Variants in ARL5A observed in about 807,000 individuals in gnomAD.
ARL5A encodes ARF like GTPase 5A.
ARL5A carries 18 observed loss-of-function variants against 25.9 expected under a neutral mutation model. The observed-to-expected ratio is 0.69, with a 90% CI of 0.48 to 1.03. The LOEUF (loss-of-function observed/expected upper bound fraction) is 1.03. ARL5A is among the 50% of genes least tolerant of loss of function. The pLI is 0.00. For synonymous variants in ARL5A, 61 were observed against 67.5 expected, an observed-to-expected ratio of 0.90 and a Z score of 0.47; for missense variants, 170 against 211.9, an observed-to-expected ratio of 0.80 and a Z score of 1.23.
intron 5 of ARL5A, among the ~76,000 whole-genome samples, chr2:151,805,038 T>A (rs1416711593): frequency 2.0e-5 from 3 of 152,198 alleles, no homozygotes; most frequent in Admixed American, 6.5e-5. Flanking sequence ...ATTATCAAAG[T>A]ATATAAATTA....
At chr2:151,812,549 T>C (rs181068451) in intron 3 of ARL5A, 109 bp from the exon 4 acceptor site, 2 of 664,708 alleles carry the variant, frequency 3.0e-6, no homozygotes, top group African/African-American at 3.7e-5. Flanking sequence ...ATTGGAATCT[T>C]ATGGTATTGT....
In ARL5A at chr2:151,828,307, G is replaced by A. The variant is rs561414211; in HGVS notation, c.-131C>T. 5.4e-4 allele frequency: 435 copies of A among 805,704 alleles called. 3 individuals are homozygous for A. The African/African-American group carries it at 7.5e-3, about 14-fold the overall frequency. The allele number at this position is 805,704 out of a possible 1,614,324, so 49.9% of individuals were successfully genotyped here. A position where few individuals can be genotyped will look rare whatever the true frequency, so the allele number is the denominator to read the frequency against. On this transcript the variant is annotated 5_prime_UTR_variant, in exon 1 of 6. Coordinates refer to ENST00000295087, the MANE Select transcript of ARL5A (RefSeq NM_012097.4). ...CTGCTCCCGCGCTGGTCGCGGGCCC[G>A]CTTCCAGGGAACCGGAGGGAGGCCG...
chr2:151,814,729 AAT>A (rs200264271), intron 2 of ARL5A, among the ~76,000 whole-genome samples: 3 of 151,608 alleles, frequency 2.0e-5, no homozygotes, highest in Middle Eastern at 6.8e-3. Context: ...CTAATTTTAA[AAT>A]ATATATATAT....
rs202078189 is a variant in ARL5A, at chr2:151,826,928, C to CTGTGTGTGTG, written c.46+1193_46+1202dup. Among the ~76,000 whole-genome samples, 283 of 150,870 alleles carry CTGTGTGTGTG rather than the reference C, an allele frequency of 1.9e-3. 2 individuals carry two copies. Among genetic ancestry groups the CTGTGTGTGTG allele is most frequent in the African/African-American group, 6.7e-3 (275 of 41,312 alleles). On this transcript the variant is annotated intron_variant, in intron 1 of 5. Coordinates refer to ENST00000295087, the MANE Select transcript of ARL5A (RefSeq NM_012097.4). Reference sequence around the variant, plus strand: ...TTTCGGTATCACGTGACCTACACATCTGTGTGTGTGTGTGTGTGCGTAAAA... The same window carrying CTGTGTGTGTG: ...TTTCGGTATCACGTGACCTACACATCTGTGTGTGTGTGTGTGTGTGTGTGTGTGCGTAAAA...
chr2:151,803,270 T>C lies in ARL5A; in HGVS notation c.*6A>G, dbSNP rs755663305. 2 of 1,609,758 alleles carry C rather than the reference T, an allele frequency of 1.2e-6. No individual in the cohort carries two copies. The highest frequency in any genetic ancestry group is 1.7e-6 in the Non-Finnish European group (2 of 1,176,176). ...TACAAAATCTATGAGAAGAGGTCAG[T>C]AGAGATCATCTAATCTTAAGTCGTG... On this transcript the variant is annotated 3_prime_UTR_variant, in exon 6 of 6. Coordinates refer to ENST00000295087, the MANE Select transcript of ARL5A (RefSeq NM_012097.4).
rs2099829440 is a variant in ARL5A, at chr2:151,801,712, ATACT to A, written c.*1560_*1563del. The A allele has an allele frequency of 6.6e-6, 1 of 152,136 alleles. No homozygotes were observed. The highest frequency in any genetic ancestry group is 1.5e-5 in the Non-Finnish European group (1 of 67,950). 9.4% of individuals were successfully genotyped at this position (152,136 alleles called of 1,614,324 possible). On this transcript the variant is annotated 3_prime_UTR_variant, in exon 6 of 6. Transcript: ENST00000295087. ...GAAAGAAACTTTCAAAGTTTTGTCA[ATACT>A]TAAACTATATACTATTATTCCTCAC...
chr2:151,823,248 A>G (rs534173197), intron 1 of ARL5A, among the ~76,000 whole-genome samples: 38 of 152,352 alleles, frequency 2.5e-4, no homozygotes, highest in African/African-American at 8.9e-4. Flanking sequence ...AATAAATCAG[A>G]TCTGGAAAAT....
At chr2:151,815,898 C>T (rs185676390) in intron 1 of ARL5A, among the ~76,000 whole-genome samples, 27 of 151,810 alleles carry the variant, frequency 1.8e-4, no homozygotes, top group African/African-American at 6.3e-4. Flanking sequence ...ACATTTCAGC[C>T]AGGCATTTGT....
At chr2:151,811,127 G>A (rs1279746088) in intron 4 of ARL5A, among the ~76,000 whole-genome samples, 1 of 152,094 alleles carries the variant, frequency 6.6e-6, no homozygotes, top group Non-Finnish European at 1.5e-5. Context: ...GGTGCATCTT[G>A]GTGGTCATAA....
Position 151,800,649 on chromosome 2 carries a change from G to A in ARL5A, c.*2627C>T, listed in dbSNP as rs1196574660. 6.6e-6 allele frequency: 1 copy of A among 152,152 alleles called. No individual in the cohort carries two copies. Among genetic ancestry groups the A allele is most frequent in the African/African-American group, 2.4e-5 (1 of 41,432 alleles). 9.4% of individuals were successfully genotyped at this position (152,152 alleles called of 1,614,324 possible). ...GACCAAGAGGTACTGGGAAGATAAA[G>A]AGAACTGAAAATTTCAAACAAGAAC... is the stretch of plus-strand genomic sequence containing the variant. On this transcript the variant is annotated 3_prime_UTR_variant, in exon 6 of 6. Transcript: ENST00000295087.
In ARL5A at chr2:151,828,200, T is replaced by C. The variant is rs201916854; in HGVS notation, c.-24A>G. The C allele has an allele frequency of 2.3e-5, 30 of 1,293,892 alleles. No homozygotes were observed. Among genetic ancestry groups the C allele is most frequent in the African/African-American group, 9.5e-5 (6 of 63,442 alleles). The allele number at this position is 1,293,892 out of a possible 1,614,324, so 80.2% of individuals were successfully genotyped here. A position where few individuals can be genotyped will look rare whatever the true frequency, so the allele number is the denominator to read the frequency against. Reference sequence around the variant, plus strand: ...ATTCTCGGGCAGCGGACCCCCCCCCTCCAGACACCCGGGCCGCCTGGCTTC... The same window carrying C: ...ATTCTCGGGCAGCGGACCCCCCCCCCCCAGACACCCGGGCCGCCTGGCTTC... On this transcript the variant is annotated 5_prime_UTR_variant, in exon 1 of 6. Coordinates refer to ENST00000295087, the MANE Select transcript of ARL5A (RefSeq NM_012097.4).
rs146264833 is a variant in ARL5A, at chr2:151,819,310, T to G, written c.47-4111A>C. On this transcript the variant is annotated intron_variant, in intron 1 of 5. Coordinates refer to ENST00000295087, the MANE Select transcript of ARL5A (RefSeq NM_012097.4). ...TTTGCTACGGTTCTTTTATAATTGC[T>G]TTCAGAGCCTGAGGTACACCATTTT... Among the ~76,000 whole-genome samples, 403 of 152,346 alleles carry G rather than the reference T, an allele frequency of 2.6e-3. 3 individuals are homozygous for G. The highest frequency in any genetic ancestry group is 9.1e-3 in the African/African-American group (380 of 41,582).
At chr2:151,814,045 C>G in intron 3 of ARL5A, 124 bp downstream of exon 3, 1 of 845,288 alleles carries the variant, frequency 1.2e-6, no homozygotes, top group Non-Finnish European at 1.7e-6. Flanking sequence ...AGATTTTACT[C>G]TGCTTAAACT....
In ARL5A at chr2:151,828,387, GC is replaced by G. The variant is rs2099833392; in HGVS notation, c.-212del. On this transcript the variant is annotated 5_prime_UTR_variant, in exon 1 of 6. An upstream open reading frame in the 5' UTR loses its in-frame stop. Transcript: ENST00000295087. ...CCCCGCCGCTGCCGCCGCGGCACTC[GC>G]CTGGCTCGCGGACATCGCCGCCGCG... 11 of 424,672 alleles carry G rather than the reference GC, an allele frequency of 2.6e-5. No individual in the cohort carries two copies. In the East Asian group the frequency reaches 4.4e-4, roughly 17 times the overall value. 26.3% of individuals were successfully genotyped at this position (424,672 alleles called of 1,614,324 possible).
At chr2:151,808,419 G>C (rs1421109046) in intron 4 of ARL5A, among the ~76,000 whole-genome samples, 3 of 151,658 alleles carry the variant, frequency 2.0e-5, no homozygotes, top group Non-Finnish European at 2.9e-5. Flanking sequence ...AAAAACATTA[G>C]TAGTATATTT....
Position 151,799,862 on chromosome 2 carries a change from G to C in ARL5A, c.*3414C>G, listed in dbSNP as rs2099829177. 1 of 152,166 alleles carries C rather than the reference G, an allele frequency of 6.6e-6. No homozygotes were observed. Among genetic ancestry groups the C allele is most frequent in the Non-Finnish European group, 1.5e-5 (1 of 68,028 alleles). The allele number at this position is 152,166 out of a possible 1,614,324, so 9.4% of individuals were successfully genotyped here. A position where few individuals can be genotyped will look rare whatever the true frequency, so the allele number is the denominator to read the frequency against. ...CAAAGAAAGTTTAGAATAACCTCCA[G>C]GACAGAGATCTCTTCACTAATAGTA... is the stretch of plus-strand genomic sequence containing the variant. On this transcript the variant is annotated 3_prime_UTR_variant, in exon 6 of 6. Coordinates refer to ENST00000295087, the MANE Select transcript of ARL5A (RefSeq NM_012097.4).
intron 1 of ARL5A, among the ~76,000 whole-genome samples, chr2:151,825,572 T>C (rs1037688029): frequency 3.3e-5 from 5 of 152,236 alleles, no homozygotes; most frequent in African/African-American, 1.2e-4. Flanking sequence ...CTGGTTTTTC[T>C]AGTTCGAGCG....
In ARL5A at chr2:151,828,260, G is replaced by T; in HGVS notation, c.-84C>A. ...AGGCTGAGGGGGAGGAGAGAGACGC[G>T]CTGGAGCCTCCGCCTCTGCTGCTGC... is the stretch of plus-strand genomic sequence containing the variant. On this transcript the variant is annotated 5_prime_UTR_variant, in exon 1 of 6. Coordinates refer to ENST00000295087, the MANE Select transcript of ARL5A (RefSeq NM_012097.4). 1 of 1,260,508 alleles carries T rather than the reference G, an allele frequency of 7.9e-7. No individual in the cohort carries two copies. The highest frequency in any genetic ancestry group is 1.1e-6 in the Non-Finnish European group (1 of 887,446). 78.1% of individuals were successfully genotyped at this position (1,260,508 alleles called of 1,614,324 possible).
rs1668738176 is a variant in ARL5A at position 151,800,438 on chromosome 2, C to T, written c.*2838G>A. Reference sequence around the variant, plus strand: ...AGGCCAGAAAATAAAAACTCTTCTTCCCTCTATTTCATCCCATGCTTCTAA... The same window carrying T: ...AGGCCAGAAAATAAAAACTCTTCTTTCCTCTATTTCATCCCATGCTTCTAA... On this transcript the variant is annotated 3_prime_UTR_variant, in exon 6 of 6. Transcript: ENST00000295087. 6.6e-6 allele frequency: 1 copy of T among 152,166 alleles called. No homozygotes were observed. The highest frequency in any genetic ancestry group is 2.1e-4 in the South Asian group (1 of 4,820). The allele number at this position is 152,166 out of a possible 1,614,324, so 9.4% of individuals were successfully genotyped here.
Sources: allele counts gnomAD v4.1 joint callset (sites outside exome capture counted in the v4.1 genomes callset), GRCh38; gene constraint gnomAD v4.1.1; transcripts MANE v1.5; gene names NCBI Gene and HGNC (gene_info 2026-07-23, HGNC 2026-07-21).